Variants in LAMA3 observed in about 807,000 individuals in gnomAD.
LAMA3 encodes the protein laminin subunit alpha 3.
In LAMA3, 281 loss-of-function variants were observed where a neutral mutation model predicts 402.0. The observed-to-expected ratio is 0.70, with a 90% confidence interval of 0.63 to 0.77. LAMA3 has a LOEUF of 0.77. Among genes scored for constraint, LAMA3 ranks in the 30% least tolerant of loss-of-function variants. LAMA3 has a pLI of 0.00. For synonymous variants in LAMA3, 1,431 were observed against 1,558.4 expected (o/e 0.92, Z 1.93); for missense variants, 3,840 against 4,215.5 (o/e 0.91, Z 2.47).
chr18:23,885,730 C>T (rs1430717165), intron 41 of LAMA3, among the ~76,000 whole-genome samples: 1 of 152,072 alleles, frequency 6.6e-6, no homozygotes, highest in Non-Finnish European at 1.5e-5. Context: ...AAATAACTTT[C>T]TCATAAAATC....
At position 23,718,339 on chromosome 18, in the gene LAMA3, C is replaced by T. The variant is rs547972396; in HGVS notation, c.447+4267C>T. Reference sequence around the variant, plus strand: ...AGAGAAAAACATGAGGAGGTGGGTGCGGAGGGAGTTCCTATGGTCCATGAC... The same window carrying T: ...AGAGAAAAACATGAGGAGGTGGGTGTGGAGGGAGTTCCTATGGTCCATGAC... On this transcript the variant is annotated intron_variant, in intron 2 of 74. Coordinates refer to ENST00000313654, the MANE Select transcript of LAMA3 (RefSeq NM_198129.4). 8.5e-5 allele frequency among the ~76,000 whole-genome samples: 13 copies of T among 152,216 alleles called. 1 individual carries two copies. Among genetic ancestry groups the T allele is most frequent in the African/African-American group, 2.2e-4 (9 of 41,530 alleles).
chr18:23,728,150 T>C (rs940182270), intron 2 of LAMA3, among the ~76,000 whole-genome samples: 1 of 152,184 alleles, frequency 6.6e-6, no homozygotes, highest in African/African-American at 2.4e-5. Context: ...TAGTTCAAGA[T>C]ACATTTGTTC....
At chr18:23,745,601 C>A (rs2061639780) in intron 2 of LAMA3, among the ~76,000 whole-genome samples, 1 of 152,188 alleles carries the variant, frequency 6.6e-6, no homozygotes, top group Non-Finnish European at 1.5e-5. Flanking sequence ...GTTTTTATAC[C>A]TGCAAGGTGT....
At chr18:23,770,152 G>T (rs943242407) in intron 8 of LAMA3, among the ~76,000 whole-genome samples, 7 of 152,128 alleles carry the variant, frequency 4.6e-5, no homozygotes, top group Non-Finnish European at 7.3e-5. Context: ...CATAGTTGGA[G>T]ATTTAAATAC....
chr18:23,941,326 G>GC (rs202068459), intron 68 of LAMA3, among the ~76,000 whole-genome samples: 5 of 40,062 alleles, frequency 1.2e-4, no homozygotes, highest in South Asian at 5.9e-4. Context: ...TCAGCTTGGC[G>GC]CCCCCCCCCC....
rs2061706828 is a variant in LAMA3 at position 23,749,465 on chromosome 18, G to A, written c.603G>A (p.Glu201=). 2 of 1,611,776 alleles carry A rather than the reference G, an allele frequency of 1.2e-6. No homozygotes were observed. Among genetic ancestry groups the A allele is most frequent in the South Asian group, 2.2e-5 (2 of 91,000 alleles). Residue 201 remains glutamate (E), a synonymous_variant, in exon 4 of 75, where the codon GAG becomes GAA. Transcript: ENST00000313654. The stretch of plus-strand genomic sequence containing the variant: ...ACTGTTTAAAAGAATTTGGGCGGGA[G>A]GCAAATATGGCTGTCACCCGGGATG... ...KVDCLKEFGR[E]ANMAVTRDDD... is the part of the protein sequence containing the mutation.
At chr18:23,793,256 T>G (rs1437471433) in intron 12 of LAMA3, among the ~76,000 whole-genome samples, 1 of 152,038 alleles carries the variant, frequency 6.6e-6, no homozygotes, top group Non-Finnish European at 1.5e-5. Context: ...GGGGCCATGC[T>G]CTGGACTGGT....
chr18:23,853,639 A>C (rs2063996369), intron 32 of LAMA3, among the ~76,000 whole-genome samples: 2 of 152,114 alleles, frequency 1.3e-5, no homozygotes, highest in African/African-American at 4.8e-5. Flanking sequence ...CATGGCAAGC[A>C]CCCACCCATG....
intron 21 of LAMA3, among the ~76,000 whole-genome samples, chr18:23,825,959 C>T (rs747117078): frequency 1.3e-5 from 2 of 152,148 alleles, no homozygotes; most frequent in Non-Finnish European, 2.9e-5. Context: ...CCTACTGAGT[C>T]CCCTCAGCCA....
chr18:23,845,163 G>A, intron 30 of LAMA3, 39 bp downstream of exon 30: 2 of 1,201,524 alleles, frequency 1.7e-6, no homozygotes, highest in Non-Finnish European at 1.2e-6. Context: ...GAATGCAGAG[G>A]CACTCCCACA....
At chr18:23,692,572 C>T (rs984866990) in intron 1 of LAMA3, among the ~76,000 whole-genome samples, 5 of 151,950 alleles carry the variant, frequency 3.3e-5, no homozygotes, top group African/African-American at 7.3e-5. Context: ...GCAGCCGGCC[C>T]GTTTTGATGT....
At position 23,858,740 on chromosome 18, in the gene LAMA3, T is replaced by C. The variant is rs374611660; in HGVS notation, c.4333T>C (p.Leu1445=). The C allele has an allele frequency of 6.2e-7, 1 of 1,614,042 alleles. No individual in the cohort carries two copies. Among genetic ancestry groups the C allele is most frequent in the Non-Finnish European group, 8.5e-7 (1 of 1,179,892 alleles). The change falls in exon 34 of 75, where the codon TTG becomes CTG. Residue 1445 remains leucine, a synonymous_variant. Transcript: ENST00000313654. Reference sequence around the variant, plus strand: ...TGTGTGTCGAGAAGGCTCATTCCATTTGGACCCAGCCAATCTCAAGGGTTG... The same window carrying C: ...TGTGTGTCGAGAAGGCTCATTCCATCTGGACCCAGCCAATCTCAAGGGTTG... ...CNVCREGSFH[L]DPANLKGCTS...
chr18:23,833,749 T>G, intron 23 of LAMA3, 79 bp from the exon 24 acceptor site: 1 of 1,528,568 alleles, frequency 6.5e-7, no homozygotes, highest in Non-Finnish European at 9.0e-7. Flanking sequence ...CTGGGCTCTA[T>G]TTTCACCATT....
At chr18:23,773,723 C>A (rs1048033661) in intron 9 of LAMA3, 136 bp downstream of exon 9, 5 of 693,072 alleles carry the variant, frequency 7.2e-6, no homozygotes, top group Non-Finnish European at 1.3e-5. Context: ...CGCTATGTGA[C>A]CTCAGTCACT....
At chr18:23,735,123 G>A (rs1301335707) in intron 2 of LAMA3, among the ~76,000 whole-genome samples, 24 of 152,336 alleles carry the variant, frequency 1.6e-4, no homozygotes, top group Non-Finnish European at 1.5e-5. Flanking sequence ...GACTGCATGT[G>A]ACTCCCCCTT....
chr18:23,853,968 AAT>A (rs2064004505), intron 32 of LAMA3, among the ~76,000 whole-genome samples: 1 of 152,206 alleles, frequency 6.6e-6, no homozygotes, highest in Admixed American at 6.5e-5. Context: ...TGCATAACTC[AAT>A]TATCTAAACA....
intron 12 of LAMA3, among the ~76,000 whole-genome samples, chr18:23,787,896 A>G (rs1476725962): frequency 6.6e-6 from 1 of 152,182 alleles, no homozygotes; most frequent in African/African-American, 2.4e-5. Flanking sequence ...ATTACAAAAG[A>G]GAGTATAATT....
intron 48 of LAMA3, 107 bp downstream of exon 48, chr18:23,901,430 A>G: frequency 1.2e-6 from 1 of 859,854 alleles, no homozygotes. Flanking sequence ...TGTACATCTC[A>G]TTATACCACC....
intron 38 of LAMA3, chr18:23,873,250 AAG>A (rs1165787567): frequency 6.4e-7 from 1 of 1,552,950 alleles, no homozygotes. Flanking sequence ...TGTGATAGGG[AAG>A]AGTTTCCAGC....
Sources: gnomAD v4.1 joint callset for allele counts (sites outside exome capture counted in the v4.1 genomes callset) on GRCh38, gnomAD v4.1.1 for gene constraint, MANE v1.5 for transcripts, NCBI Gene and HGNC (gene_info 2026-07-23, HGNC 2026-07-21) for gene names.